The following TSBP1 variants were observed in gnomAD, a reference collection of about 807,000 sequenced individuals.
TSBP1 encodes testis-expressed basic protein 1.
TSBP1 carries 56 observed loss-of-function variants against 68.8 expected under a neutral mutation model. The observed-to-expected ratio is 0.81, with a 90% confidence interval of 0.66 to 1.02. The LOEUF (loss-of-function observed/expected upper bound fraction) is 1.02, where lower values mean the gene tolerates loss of function less well. Ranked by LOEUF, TSBP1 falls within the 50% of genes least tolerant of loss-of-function variation. The pLI is 0.00. For missense variants in TSBP1, 502 were observed against 641.2 expected (o/e 0.78, Z 2.34); for synonymous variants, 171 against 208.7 (o/e 0.82, Z 1.56).
At chr6:32,371,827 G>A (rs1440802202) in exon 1 of TSBP1, 1 of 1,151,754 alleles carries the variant, frequency 8.7e-7, no homozygotes, top group East Asian at 2.3e-5. Context: ...GGGTGTCAGG[G>A]AGGCCCTTGT....
At chr6:32,363,432 T>A (rs2223636) in intron 6 of TSBP1, among the ~76,000 whole-genome samples, 65,198 of 151,384 alleles carry the variant, frequency 0.43, 14,967 homozygotes, top group African/African-American at 0.55. Flanking sequence ...TTGGCTGTTT[T>A]GTATATCCTT....
chr6:32,368,880 ACT>A, intron 2 of TSBP1, 66 bp from the exon 3 acceptor site: 1 of 1,523,128 alleles, frequency 6.6e-7, no homozygotes. Context: ...CTCTGATCAA[ACT>A]CTTCTCACTC....
intron 6 of TSBP1, among the ~76,000 whole-genome samples, chr6:32,363,643 A>G (rs1773318880): frequency 6.6e-6 from 1 of 150,950 alleles, no homozygotes; most frequent in Non-Finnish European, 1.5e-5. Context: ...AACTCTACAT[A>G]TTATTCTCCC....
chr6:32,301,842 G>A (rs1209635326), intron 20 of TSBP1, among the ~76,000 whole-genome samples: 2 of 151,458 alleles, frequency 1.3e-5, no homozygotes, highest in Non-Finnish European at 2.9e-5. Context: ...ACAGCCCATG[G>A]AATAAATCTA....
chr6:32,355,544 G>T, intron 7 of TSBP1, 105 bp downstream of exon 7: 1 of 1,425,086 alleles, frequency 7.0e-7, no homozygotes, highest in South Asian at 1.2e-5. Flanking sequence ...GTATTCATAT[G>T]ACTTGACATA....
intron 6 of TSBP1, among the ~76,000 whole-genome samples, chr6:32,356,626 A>C (rs1300118846): frequency 3.3e-5 from 5 of 152,068 alleles, no homozygotes; most frequent in African/African-American, 1.2e-4. Context: ...AGGCTGAGGC[A>C]GGAGAATTGC....
chr6:32,324,538 G>A, intron 16 of TSBP1: 2 of 1,334,334 alleles, frequency 1.5e-6, no homozygotes, highest in African/African-American at 1.5e-5. Context: ...TAATGAGACA[G>A]CAAGAGGCCA....
At chr6:32,359,497 GT>G (rs879915179) in intron 6 of TSBP1, among the ~76,000 whole-genome samples, 5 of 152,020 alleles carry the variant, frequency 3.3e-5, no homozygotes, top group Non-Finnish European at 7.4e-5. Context: ...GGGGTTGTTT[GT>G]TTTTTTCTTG....
chr6:32,334,589 T>C lies in TSBP1; in HGVS notation c.472+848A>G, dbSNP rs114557889. On this transcript the variant is annotated intron_variant, in intron 14 of 22. Transcript: ENST00000612031. ...ACTGCCTTACTCATTGCCATTTGAA[T>C]GTTGTTTAGATGCAACAAAGTAATG... is the stretch of plus-strand genomic sequence containing the variant. Among the ~76,000 whole-genome samples, 841 of 152,288 alleles carry C rather than the reference T, an allele frequency of 5.5e-3. 9 individuals are homozygous for C. The highest frequency in any genetic ancestry group is 0.019 in the African/African-American group (784 of 41,558).
exon 10 of TSBP1, chr6:32,339,602 G>C (rs1770105130): frequency 1.6e-6 from 2 of 1,282,974 alleles, no homozygotes; most frequent in Non-Finnish European, 2.2e-6. Flanking sequence ...AAACTTACAA[G>C]GAGGTTCTTC....
chr6:32,322,725 G>T (rs563016794), intron 18 of TSBP1, among the ~76,000 whole-genome samples: 1 of 152,244 alleles, frequency 6.6e-6, no homozygotes, highest in African/African-American at 2.4e-5. Flanking sequence ...GAAGTCAAAG[G>T]TAGAGTTTCC....
chr6:32,358,392 T>A (rs1228203241), intron 6 of TSBP1, among the ~76,000 whole-genome samples: 2 of 152,202 alleles, frequency 1.3e-5, no homozygotes, highest in Non-Finnish European at 2.9e-5. Flanking sequence ...TGTGATGAAC[T>A]TTTAAGAATT....
At chr6:32,295,841 T>C (rs2127556992) in intron 22 of TSBP1, among the ~76,000 whole-genome samples, 1 of 141,838 alleles carries the variant, frequency 7.1e-6, no homozygotes, top group Middle Eastern at 3.7e-3. Flanking sequence ...CAGGAAAATT[T>C]CTTTTTTTTT....
chr6:32,341,475 C>T (rs1030533101), intron 9 of TSBP1, among the ~76,000 whole-genome samples: 1 of 152,082 alleles, frequency 6.6e-6, no homozygotes, highest in Non-Finnish European at 1.5e-5. Flanking sequence ...CATGCCCTAC[C>T]CAGAGGCATT....
In TSBP1 at chr6:32,304,775, A is replaced by T. The variant is rs1367958058; in HGVS notation, c.581-2146T>A. Among the ~76,000 whole-genome samples, 1 of 152,146 alleles carries T rather than the reference A, an allele frequency of 6.6e-6. No homozygotes were observed. Among genetic ancestry groups the T allele is most frequent in the Non-Finnish European group, 1.5e-5 (1 of 68,028 alleles). Reference sequence around the variant, plus strand: ...TACAGAAAGTTTATTTGTAATTAAAATGTAGTTGAGTTTAGCACCTTTTCT... The same window carrying T: ...TACAGAAAGTTTATTTGTAATTAAATTGTAGTTGAGTTTAGCACCTTTTCT... On this transcript the variant is annotated intron_variant, in intron 19 of 22. Transcript: ENST00000612031. This position sits in a 1 kb window ranked among gnomAD's most constrained non-coding sequence, Gnocchi z 4.8.
intron 6 of TSBP1, among the ~76,000 whole-genome samples, chr6:32,358,687 A>G (rs1772628846): frequency 6.8e-6 from 1 of 147,768 alleles, no homozygotes; most frequent in Non-Finnish European, 1.5e-5. Context: ...TCCTTGCGAT[A>G]GTTTGCCGAG....
chr6:32,350,374 G>C (rs1217841419), intron 8 of TSBP1, among the ~76,000 whole-genome samples: 1 of 152,180 alleles, frequency 6.6e-6, no homozygotes, highest in African/African-American at 2.4e-5. Flanking sequence ...GCTTGCTATT[G>C]AGGGGAATAT....
rs371841497 is a variant in TSBP1 at position 32,313,850 on chromosome 6, T to C, written c.580+1922A>G. 1.7e-3 allele frequency among the ~76,000 whole-genome samples: 266 copies of C among 152,270 alleles called. 2 individuals carry two copies. The South Asian group carries it at 0.022, about 12-fold the overall frequency. On this transcript the variant is annotated intron_variant, in intron 19 of 22. Transcript: ENST00000612031. ...TAACTCTGGACCTGTGTGGATGGCT[T>C]TGTTTTCATGCCTGGGGCAGATGGG...
At chr6:32,360,470 T>C (rs1031784710) in intron 6 of TSBP1, among the ~76,000 whole-genome samples, 1 of 152,126 alleles carries the variant, frequency 6.6e-6, no homozygotes, top group African/African-American at 2.4e-5. Context: ...AGTTTATTCC[T>C]CTATCCCGGG....
Sources: allele counts gnomAD v4.1 joint callset (sites outside exome capture counted in the v4.1 genomes callset), GRCh38; gene constraint gnomAD v4.1.1; non-coding constraint Gnocchi (gnomAD v3.1); transcripts MANE v1.5; gene names NCBI Gene and HGNC (gene_info 2026-07-23, HGNC 2026-07-21).